CLTCL1: variants seen among roughly 807,000 people sequenced by gnomAD.
CLTCL1 encodes the protein clathrin heavy chain like 1.
A neutral mutation model predicts 190.0 loss-of-function variants in CLTCL1; 159 were observed. The ratio of observed to expected loss-of-function variants is 0.84; its 90% CI spans 0.74 to 0.95. The LOEUF is 0.95. Among genes scored for constraint, CLTCL1 ranks in the 40% least tolerant of loss-of-function variants. CLTCL1 has a pLI of 0.00. For synonymous variants in CLTCL1, 752 were observed against 769.6 expected, an observed-to-expected ratio of 0.98 and a Z score of 0.38; for missense variants, 1,878 against 2,033.4, an observed-to-expected ratio of 0.92 and a Z score of 1.47.
At chr22:19,226,663 G>A (rs2085755781) in intron 11 of CLTCL1, among the ~76,000 whole-genome samples, 1 of 152,210 alleles carries the variant, frequency 6.6e-6, no homozygotes, top group Admixed American at 6.5e-5. Context: ...GAAAGGCTGA[G>A]GCTCCATAAA....
chr22:19,272,926 G>A (rs1250204162), intron 2 of CLTCL1, among the ~76,000 whole-genome samples: 23 of 152,140 alleles, frequency 1.5e-4, no homozygotes, highest in Admixed American at 1.5e-3. Flanking sequence ...TTACAGACAT[G>A]AGCCACCTGG....
In CLTCL1 at chr22:19,291,528, G is replaced by C. The variant is rs1415226000; in HGVS notation, c.42+72C>G. ...GCGGCTCAGCGGGGCTGGGGGCGCGGGGTCAAGCCTGGCAGTCCGGCCCGG... is the reference window on the plus strand; with the variant it reads ...GCGGCTCAGCGGGGCTGGGGGCGCGCGGTCAAGCCTGGCAGTCCGGCCCGG... On this transcript the variant is annotated intron_variant, in intron 1 of 32. Transcript: ENST00000427926. The C allele has an allele frequency of 1.5e-5, 19 of 1,252,894 alleles. No homozygotes were observed. In the East Asian group the frequency reaches 5.9e-4, roughly 39 times the overall value. The allele number at this position is 1,252,894 out of a possible 1,614,324, so 77.6% of individuals were successfully genotyped here. A position where few individuals can be genotyped will look rare whatever the true frequency, so the allele number is the denominator to read the frequency against.
At chr22:19,194,210 T>G (rs2084619045) in intron 26 of CLTCL1, among the ~76,000 whole-genome samples, 1 of 152,192 alleles carries the variant, frequency 6.6e-6, no homozygotes, top group Admixed American at 6.5e-5. Context: ...ACAAAATTTC[T>G]CCAAGTCCCC....
At chr22:19,223,755 G>T in intron 14 of CLTCL1, 136 bp downstream of exon 14, 1 of 919,766 alleles carries the variant, frequency 1.1e-6, no homozygotes, top group Non-Finnish European at 1.6e-6. Flanking sequence ...GCCATAAAGT[G>T]GAGCTCTGTC....
rs1165831167 is a variant in CLTCL1, at chr22:19,216,460, T to C, written c.2920-204A>G. Among the ~76,000 whole-genome samples the C allele has an allele frequency of 2.0e-5, 3 of 152,242 alleles. No individual in the cohort carries two copies. The East Asian group carries it at 5.8e-4, about 29-fold the overall frequency. On this transcript the variant is annotated intron_variant, in intron 18 of 32. Transcript: ENST00000427926. Reference sequence around the variant, plus strand: ...GCTCTGTTTTGACAATTAGTTTTTCTCTCATATCAAATATGCTACAGACTC... The same window carrying C: ...GCTCTGTTTTGACAATTAGTTTTTCCCTCATATCAAATATGCTACAGACTC...
At position 19,226,401 on chromosome 22, in the gene CLTCL1, C is replaced by T. The variant is rs781840049; in HGVS notation, c.1783-18G>A. 18 of 1,613,542 alleles carry T rather than the reference C, an allele frequency of 1.1e-5. No homozygotes were observed. The highest frequency in any genetic ancestry group is 1.4e-5 in the Non-Finnish European group (16 of 1,179,612). ...TCTGCAACCTATGAAACAGGGAGTT[C>T]GGTGAGAAGCCCTGATCAATGGCAA... On this transcript the variant is annotated intron_variant, in intron 11 of 32. Coordinates refer to ENST00000427926, the MANE Select transcript of CLTCL1 (RefSeq NM_007098.4).
intron 27 of CLTCL1, among the ~76,000 whole-genome samples, chr22:19,189,809 A>T (rs1398961339): frequency 6.6e-6 from 1 of 152,232 alleles, no homozygotes; most frequent in Non-Finnish European, 1.5e-5. Flanking sequence ...TTAATTGGGC[A>T]TATGTAATAT....
rs886256665 is a variant in CLTCL1, at chr22:19,179,637, A to G, written c.*353T>C. 6 of 157,016 alleles carry G rather than the reference A, an allele frequency of 3.8e-5. No homozygotes were observed. The highest frequency in any genetic ancestry group is 7.1e-5 in the Non-Finnish European group (5 of 70,688). The allele number at this position is 157,016 out of a possible 1,614,324, so 9.7% of individuals were successfully genotyped here. A position where few individuals can be genotyped will look rare whatever the true frequency, so the allele number is the denominator to read the frequency against. On this transcript the variant is annotated 3_prime_UTR_variant, in exon 33 of 33. Coordinates refer to ENST00000427926, the MANE Select transcript of CLTCL1 (RefSeq NM_007098.4). ...GCGCCCAGGAGGAAGGCCTGGCTCC[A>G]GCAGGAGGGCCCACAGTCCAGTCTC... is the stretch of plus-strand genomic sequence containing the variant.
intron 2 of CLTCL1, chr22:19,258,623 G>T: frequency 1.6e-6 from 1 of 630,524 alleles, no homozygotes. Context: ...GGAACATCCA[G>T]GTCAATCTGG....
Position 19,226,252 on chromosome 22 carries a change from C to T in CLTCL1, c.1914G>A (p.Arg638=), listed in dbSNP as rs1555955905. ...EHYTDLYDIK[R]AVVHTHLLNP... ...TGAGGAGGTGAGTGTGGACCACAGC[C>T]CTCTTGATGTCATAGAGGTCGGTGT... Residue 638 remains arginine (R), a synonymous_variant, in exon 12 of 33, where the codon AGG becomes AGA. Transcript: ENST00000427926. 3 of 1,613,816 alleles carry T rather than the reference C, an allele frequency of 1.9e-6. No homozygotes were observed. Among genetic ancestry groups the T allele is most frequent in the African/African-American group, 2.7e-5 (2 of 74,920 alleles).
Position 19,253,944 on chromosome 22 carries a change from C to T in CLTCL1, c.519+15G>A. Reference sequence around the variant, plus strand: ...GTTACATCAGACCAGCCCCTAAAGGCAGCTCAAGGCTTACCTGAGCCGAGA... The same window carrying T: ...GTTACATCAGACCAGCCCCTAAAGGTAGCTCAAGGCTTACCTGAGCCGAGA... On this transcript the variant is annotated intron_variant, in intron 3 of 32. Coordinates refer to ENST00000427926, the MANE Select transcript of CLTCL1 (RefSeq NM_007098.4). The T allele has an allele frequency of 1.2e-6, 2 of 1,607,590 alleles. No individual in the cohort carries two copies. Among genetic ancestry groups the T allele is most frequent in the Admixed American group, 1.7e-5 (1 of 59,650 alleles).
intron 1 of CLTCL1, among the ~76,000 whole-genome samples, chr22:19,284,949 T>A (rs180901949): frequency 6.9e-6 from 1 of 144,964 alleles, no homozygotes; most frequent in Non-Finnish European, 1.5e-5. Flanking sequence ...AGCGAGACTC[T>A]GTCTCAAGAA....
intron 2 of CLTCL1, chr22:19,257,735 G>T: frequency 7.8e-7 from 1 of 1,277,696 alleles, no homozygotes; most frequent in Non-Finnish European, 1.1e-6. Flanking sequence ...CCAGGGGTCT[G>T]GCAGGAATAG....
intron 26 of CLTCL1, among the ~76,000 whole-genome samples, chr22:19,194,597 C>T (rs1023927731): frequency 5.3e-5 from 8 of 152,232 alleles, no homozygotes; most frequent in South Asian, 2.1e-4. Context: ...AAGCGCCCAC[C>T]GGATGCCAGG....
intron 2 of CLTCL1, 43 bp downstream of exon 2, chr22:19,275,580 A>C (rs1355494871): frequency 6.5e-7 from 1 of 1,533,172 alleles, no homozygotes; most frequent in Non-Finnish European, 8.9e-7. Context: ...CAAAGCAGTT[A>C]AAATGAGGTA....
chr22:19,197,614 C>A (rs571467716), intron 24 of CLTCL1, among the ~76,000 whole-genome samples: 1 of 152,322 alleles, frequency 6.6e-6, no homozygotes, highest in South Asian at 2.1e-4. Flanking sequence ...AGCAAAAACT[C>A]CTCACAACAA....
At chr22:19,260,760 CA>C (rs2086916118) in intron 2 of CLTCL1, among the ~76,000 whole-genome samples, 1 of 79,910 alleles carries the variant, frequency 1.3e-5, no homozygotes. Flanking sequence ...GCCTGGGCAA[CA>C]AGAGTGAAAC....
intron 1 of CLTCL1, 51 bp downstream of exon 1, chr22:19,291,549 C>T (rs1169203934): frequency 2.1e-5 from 28 of 1,317,620 alleles, no homozygotes; most frequent in Non-Finnish European, 2.5e-5. Flanking sequence ...GGCAGTCCGG[C>T]CCGGCGGAGG....
intron 18 of CLTCL1, among the ~76,000 whole-genome samples, chr22:19,216,785 A>G (rs1449040162): frequency 6.6e-6 from 1 of 152,246 alleles, no homozygotes; most frequent in Non-Finnish European, 1.5e-5. Flanking sequence ...CTCACATACA[A>G]AAACACTTAC....
Sources: gnomAD v4.1 joint callset for allele counts (sites outside exome capture counted in the v4.1 genomes callset) on GRCh38, gnomAD v4.1.1 for gene constraint, MANE v1.5 for transcripts, NCBI Gene and HGNC (gene_info 2026-07-23, HGNC 2026-07-21) for gene names.